PLG: variants seen among roughly 807,000 people sequenced by gnomAD.
PLG encodes the protein plasminogen.
Under a neutral mutation model 104.4 loss-of-function variants are expected in PLG, and 41 were observed. The ratio of observed to expected loss-of-function variants is 0.39; its 90% CI spans 0.31 to 0.51. The LOEUF (loss-of-function observed/expected upper bound fraction) is 0.51. PLG is among the 20% of genes least tolerant of loss of function. The probability of loss-of-function intolerance (pLI) is 0.76; values close to 1 mark genes in which losing one functional copy is unlikely to be tolerated. For missense variants in PLG, 891 were observed against 1,003.6 expected, an observed-to-expected ratio of 0.89 and a Z score of 1.52; for synonymous variants, 337 against 357.1, an observed-to-expected ratio of 0.94 and a Z score of 0.63.
intron 5 of PLG, 31 bp from the exon 6 acceptor site, chr6:160,714,763 C>G (rs748641279): frequency 6.2e-7 from 1 of 1,611,740 alleles, no homozygotes; most frequent in Non-Finnish European, 8.5e-7. Context: ...TTTTCTTCTT[C>G]CTCTCTGTCC....
At chr6:160,748,376 G>GAGAGAGAGAGAAAAAGAAAGAAAA (rs1562383336) in intron 17 of PLG, among the ~76,000 whole-genome samples, 1 of 43,420 alleles carries the variant, frequency 2.3e-5, no homozygotes, top group Non-Finnish European at 4.5e-5. Flanking sequence ...AAGAAAGAAA[G>GAGAGAGAGAGAAAAAGAAAGAAAA]AAAGAAAGAA....
chr6:160,711,014 C>T lies in PLG; in HGVS notation c.293-63C>T, dbSNP rs1289010475. ...AGATCTTTTTCTCAACGTGACTATG[C>T]TGTGCAGACCTTCATGTGGTGTCTT... is the stretch of plus-strand genomic sequence containing the variant. On this transcript the variant is annotated intron_variant, in intron 3 of 18. Transcript: ENST00000308192. 3.9e-6 allele frequency: 6 copies of T among 1,524,910 alleles called. No individual in the cohort carries two copies. In the Admixed American group the frequency reaches 6.7e-5, roughly 17 times the overall value. 94.5% of individuals were successfully genotyped at this position (1,524,910 alleles called of 1,614,324 possible).
At position 160,723,277 on chromosome 6, in the gene PLG, C is replaced by T. The variant is rs1003693520; in HGVS notation, c.1256+710C>T. On this transcript the variant is annotated intron_variant, in intron 10 of 18. Coordinates refer to ENST00000308192, the MANE Select transcript of PLG (RefSeq NM_000301.5). This position sits in a 1 kb window ranked among gnomAD's most constrained non-coding sequence, Gnocchi z 4.7. Reference sequence around the variant, plus strand: ...GGACATGAAGAACAAAAGCAGGATACGCAGATGCTGAACAGCGAAAGAGGC... The same window carrying T: ...GGACATGAAGAACAAAAGCAGGATATGCAGATGCTGAACAGCGAAAGAGGC... 5.9e-5 allele frequency among the ~76,000 whole-genome samples: 9 copies of T among 151,996 alleles called. No homozygotes were observed. The highest frequency in any genetic ancestry group is 1.9e-4 in the East Asian group (1 of 5,194).
At position 160,741,264 on chromosome 6, in the gene PLG, G is replaced by A. The variant is rs1308893325; in HGVS notation, c.2019-47G>A. 1 of 1,292,550 alleles carries A rather than the reference G, an allele frequency of 7.7e-7. No individual in the cohort carries two copies. The highest frequency in any genetic ancestry group is 1.1e-6 in the Non-Finnish European group (1 of 887,132). The allele number at this position is 1,292,550 out of a possible 1,614,324, so 80.1% of individuals were successfully genotyped here. ...GGGATGACTGGTTGTGGGTACTGCA[G>A]CTGCGAGCAGAGCAGTCAAACATAA... On this transcript the variant is annotated intron_variant, in intron 16 of 18. Coordinates refer to ENST00000308192, the MANE Select transcript of PLG (RefSeq NM_000301.5). This position sits in a 1 kb window ranked among gnomAD's most constrained non-coding sequence, Gnocchi z 4.7.
rs956619639 is a variant in PLG, at chr6:160,735,039, G to A, written c.1681+951G>A. On this transcript the variant is annotated intron_variant, in intron 13 of 18. Coordinates refer to ENST00000308192, the MANE Select transcript of PLG (RefSeq NM_000301.5). The surrounding 1 kb of genome is among the most constrained non-coding windows in gnomAD (Gnocchi z 5.4). ...AGCTTCGCATTTGGGCTTCTCCTAG[G>A]GACACCAAGAGGGAGGAAGGAGGGG... Among the ~76,000 whole-genome samples, 3 of 149,102 alleles carry A rather than the reference G, an allele frequency of 2.0e-5. No homozygotes were observed. Among genetic ancestry groups the A allele is most frequent in the African/African-American group, 7.7e-5 (3 of 38,862 alleles).
intron 10 of PLG, among the ~76,000 whole-genome samples, chr6:160,728,466 G>A (rs1180815892): frequency 3.8e-5 from 1 of 26,010 alleles, no homozygotes; most frequent in African/African-American, 1.9e-4. Context: ...AATATTTAAA[G>A]AGAAGAAAAA....
Position 160,719,510 on chromosome 6 carries a change from C to T in PLG, c.1096+672C>T, listed in dbSNP as rs1175713076. On this transcript the variant is annotated intron_variant, in intron 9 of 18. Transcript: ENST00000308192. This position sits in a 1 kb window ranked among gnomAD's most constrained non-coding sequence, Gnocchi z 4.1. ...TAAATTGAGATGTTCAAACCATTTG[C>T]ATTCATGCAATTGTTAATAGAGTTG... is the stretch of plus-strand genomic sequence containing the variant. 6.6e-6 allele frequency among the ~76,000 whole-genome samples: 1 copy of T among 152,154 alleles called. No homozygotes were observed. Among genetic ancestry groups the T allele is most frequent in the Non-Finnish European group, 1.5e-5 (1 of 68,024 alleles).
In PLG at chr6:160,714,644, AATTTTATTG is replaced by A; in HGVS notation, c.548-149_548-141del. 3.4e-5 allele frequency: 14 copies of A among 407,426 alleles called. 3 individuals carry two copies. Among genetic ancestry groups the A allele is most frequent in the Non-Finnish European group, 6.0e-5 (12 of 200,262 alleles). The allele number at this position is 407,426 out of a possible 1,614,324, so 25.2% of individuals were successfully genotyped here. On this transcript the variant is annotated intron_variant, in intron 5 of 18. Transcript: ENST00000308192. ...TAGAAAATCCTGAGTCCTTATTGCC[AATTTTATTG>A]CCAAGTGCCTGTTGTGAATTACATC... is the stretch of plus-strand genomic sequence containing the variant.
At chr6:160,750,649 C>T (rs1778386896) in intron 17 of PLG, among the ~76,000 whole-genome samples, 2 of 152,188 alleles carry the variant, frequency 1.3e-5, no homozygotes, top group South Asian at 2.1e-4. Flanking sequence ...TGGGATGAGC[C>T]TCTTCCATGC....
In PLG at chr6:160,731,428, G is replaced by T. The variant is rs990099764; in HGVS notation, c.1438+196G>T. 3.3e-5 allele frequency among the ~76,000 whole-genome samples: 5 copies of T among 152,188 alleles called. No homozygotes were observed. The highest frequency in any genetic ancestry group is 6.5e-5 in the Admixed American group (1 of 15,280). ...ACTTTTGGCACAACGTGAGTGGGCT[G>T]TGCCTTTAGGACAGGTGCAAACCCT... On this transcript the variant is annotated intron_variant, in intron 11 of 18. Coordinates refer to ENST00000308192, the MANE Select transcript of PLG (RefSeq NM_000301.5). This position sits in a 1 kb window ranked among gnomAD's most constrained non-coding sequence, Gnocchi z 5.1.
intron 10 of PLG, 69 bp downstream of exon 10, chr6:160,722,636 T>G: frequency 1.4e-6 from 2 of 1,450,034 alleles, no homozygotes; most frequent in East Asian, 4.5e-5. Flanking sequence ...GAGCCATGCT[T>G]CATGCTTCAA....
chr6:160,721,120 T>A (rs1262835450), intron 9 of PLG, among the ~76,000 whole-genome samples: 2 of 152,184 alleles, frequency 1.3e-5, no homozygotes, highest in South Asian at 2.1e-4. Flanking sequence ...ATGCATACTG[T>A]CCACCGTTAC....
chr6:160,703,040 C>G (rs1334863883), intron 1 of PLG, among the ~76,000 whole-genome samples: 6 of 152,086 alleles, frequency 3.9e-5, no homozygotes, highest in Non-Finnish European at 8.8e-5. Flanking sequence ...GCTTATTTAG[C>G]TCGTGGTATA....
chr6:160,738,379 G>A lies in PLG; in HGVS notation c.1803-159G>A, dbSNP rs1345783233. ...TCAAAAATCCCACTCCTGGAGCACT[G>A]GCCAAAATTACTACCATCCTGATGC... On this transcript the variant is annotated intron_variant, in intron 14 of 18. Coordinates refer to ENST00000308192, the MANE Select transcript of PLG (RefSeq NM_000301.5). The surrounding 1 kb of genome is among the most constrained non-coding windows in gnomAD (Gnocchi z 6.8). 9 of 667,286 alleles carry A rather than the reference G, an allele frequency of 1.3e-5. No individual in the cohort carries two copies. In the Admixed American group the frequency reaches 1.9e-4, roughly 14 times the overall value. The allele number at this position is 667,286 out of a possible 1,614,324, so 41.3% of individuals were successfully genotyped here. A position where few individuals can be genotyped will look rare whatever the true frequency, so the allele number is the denominator to read the frequency against.
intron 1 of PLG, among the ~76,000 whole-genome samples, chr6:160,703,719 G>A (rs1395162393): frequency 6.6e-6 from 1 of 152,200 alleles, no homozygotes; most frequent in Non-Finnish European, 1.5e-5. Flanking sequence ...GTATGTTGGG[G>A]GGTATGAATA....
intron 2 of PLG, among the ~76,000 whole-genome samples, chr6:160,706,752 TA>T (rs1265083177): frequency 1.3e-5 from 2 of 152,168 alleles, no homozygotes; most frequent in Non-Finnish European, 2.9e-5. Flanking sequence ...CAAAGGAAGT[TA>T]TTTGTTTTTA....
At chr6:160,714,475 G>A (rs1026845907) in intron 5 of PLG, among the ~76,000 whole-genome samples, 4 of 91,300 alleles carry the variant, frequency 4.4e-5, no homozygotes, top group East Asian at 3.9e-4. Flanking sequence ...TGCACCCTTG[G>A]CTCCCCACTG....
chr6:160,712,961 A>G, intron 4 of PLG, 25 bp from the exon 5 acceptor site: 1 of 1,597,090 alleles, frequency 6.3e-7, no homozygotes, highest in South Asian at 1.1e-5. Flanking sequence ...ATATAGTCTA[A>G]GTGCTTCTTT....
rs1777861971 is a variant in PLG, at chr6:160,723,022, T to C, written c.1256+455T>C. ...ATAAGTATGAATATATATACACACA[T>C]ATATATGTATACATATGTGTGCATA... is the stretch of plus-strand genomic sequence containing the variant. On this transcript the variant is annotated intron_variant, in intron 10 of 18. Coordinates refer to ENST00000308192, the MANE Select transcript of PLG (RefSeq NM_000301.5). This position sits in a 1 kb window ranked among gnomAD's most constrained non-coding sequence, Gnocchi z 4.7. Among the ~76,000 whole-genome samples, 1 of 148,548 alleles carries C rather than the reference T, an allele frequency of 6.7e-6. No individual in the cohort carries two copies. Among genetic ancestry groups the C allele is most frequent in the African/African-American group, 2.6e-5 (1 of 38,634 alleles).
Sources: allele counts gnomAD v4.1 joint callset (sites outside exome capture counted in the v4.1 genomes callset), GRCh38; gene constraint gnomAD v4.1.1; non-coding constraint Gnocchi (gnomAD v3.1); transcripts MANE v1.5; gene names NCBI Gene and HGNC (gene_info 2026-07-23, HGNC 2026-07-21).